FAM120A: variants seen among roughly 807,000 people sequenced by gnomAD.
The protein encoded by FAM120A is constitutive coactivator of PPAR-gamma-like protein 1.
FAM120A carries 15 observed loss-of-function variants against 109.7 expected under a neutral mutation model. The ratio of observed to expected loss-of-function variants is 0.14; its 90% CI spans 0.09 to 0.21. The LOEUF (loss-of-function observed/expected upper bound fraction) is 0.21. Ranked by LOEUF, FAM120A falls within the 10% of genes least tolerant of loss-of-function variation. FAM120A has a pLI of 1.00. For missense variants in FAM120A, 899 were observed against 1,439.3 expected, an observed-to-expected ratio of 0.62 and a Z score of 6.07; for synonymous variants, 493 against 572.8, an observed-to-expected ratio of 0.86 and a Z score of 1.99.
At position 93,543,430 on chromosome 9, in the gene FAM120A, C is replaced by T. The variant is rs754867215; in HGVS notation, c.2118C>T (p.Ala706=). The T allele has an allele frequency of 6.2e-7, 1 of 1,614,120 alleles. No homozygotes were observed. Among genetic ancestry groups the T allele is most frequent in the South Asian group, 1.1e-5 (1 of 91,074 alleles). ...ACACCCCAGCCATGCTCAACCCTGC[C>T]AACGTGCCCACTCACCTCATGGTGC... is the stretch of plus-strand genomic sequence containing the variant. The part of the protein sequence containing the change: ...RSDTPAMLNP[A]NVPTHLMVLC... Residue 706 remains alanine (A), a synonymous_variant, in exon 11 of 18, where the codon GCC becomes GCT. Transcript: ENST00000277165.
intron 10 of FAM120A, among the ~76,000 whole-genome samples, chr9:93,541,378 C>G (rs1861694275): frequency 6.6e-6 from 1 of 152,056 alleles, no homozygotes; most frequent in African/African-American, 2.4e-5. Flanking sequence ...TCCGAGTCTA[C>G]TTCTGGGAAA....
rs1264057784 is a variant in FAM120A at position 93,451,829 on chromosome 9, C to T, written c.-87C>T. ...CCCCCCTAGAGGCCGCCGCCCCCGC[C>T]CGCCAGCCCGCCCGCGCGCCACGGC... is the stretch of plus-strand genomic sequence containing the variant. On this transcript the variant is annotated 5_prime_UTR_variant, in exon 1 of 18. Coordinates refer to ENST00000277165, the MANE Select transcript of FAM120A (RefSeq NM_014612.5). 3.1e-6 allele frequency: 3 copies of T among 967,590 alleles called. No individual in the cohort carries two copies. The highest frequency in any genetic ancestry group is 3.6e-5 in the African/African-American group (2 of 56,002). 59.9% of individuals were successfully genotyped at this position (967,590 alleles called of 1,614,324 possible).
intron 7 of FAM120A, among the ~76,000 whole-genome samples, chr9:93,524,830 G>C (rs1459717402): frequency 4.6e-5 from 7 of 152,186 alleles, no homozygotes; most frequent in Non-Finnish European, 1.0e-4. Flanking sequence ...TTCCTGCACA[G>C]TGCCCGGGTC....
In FAM120A at chr9:93,460,625, A is replaced by AG. The variant is rs1857752919; in HGVS notation, c.474+8236_474+8237insG. Among the ~76,000 whole-genome samples the AG allele has an allele frequency of 2.6e-5, 4 of 152,184 alleles. No individual in the cohort carries two copies. The South Asian group carries it at 8.3e-4, about 31-fold the overall frequency. ...GCTGGGATTACAGGCATTAGCCACT[A>AG]TGCCTGGCCCTATTTTTGCTTATTT... On this transcript the variant is annotated intron_variant, in intron 1 of 17. Coordinates refer to ENST00000277165, the MANE Select transcript of FAM120A (RefSeq NM_014612.5).
intron 12 of FAM120A, among the ~76,000 whole-genome samples, chr9:93,552,881 C>T (rs1862152119): frequency 6.6e-6 from 1 of 152,164 alleles, no homozygotes; most frequent in African/African-American, 2.4e-5. Context: ...TGTTTCTCTT[C>T]TCCCATTTAT....
chr9:93,488,429 GTCT>G (rs1049158917), intron 3 of FAM120A, among the ~76,000 whole-genome samples: 11 of 151,972 alleles, frequency 7.2e-5, no homozygotes, highest in Admixed American at 3.9e-4. Context: ...GTGTTCTGTA[GTCT>G]TTCTTTTTTT....
chr9:93,505,422 A>G (rs1860002940), intron 5 of FAM120A, among the ~76,000 whole-genome samples: 1 of 152,138 alleles, frequency 6.6e-6, no homozygotes, highest in Non-Finnish European at 1.5e-5. Flanking sequence ...TACTTAATAT[A>G]TATATTGGAT....
rs1858515628 is a variant in FAM120A at position 93,475,600 on chromosome 9, A to G, written c.722-656A>G. ...ACGAACATTATTATGAAAGTAGAGTATTACCCCCAAATATAGTTTCTCAAT... is the reference window on the plus strand; with the variant it reads ...ACGAACATTATTATGAAAGTAGAGTGTTACCCCCAAATATAGTTTCTCAAT... On this transcript the variant is annotated intron_variant, in intron 2 of 17. Coordinates refer to ENST00000277165, the MANE Select transcript of FAM120A (RefSeq NM_014612.5). Among the ~76,000 whole-genome samples, 3 of 152,214 alleles carry G rather than the reference A, an allele frequency of 2.0e-5. No individual in the cohort carries two copies. In the South Asian group the frequency reaches 6.2e-4, roughly 32 times the overall value.
At chr9:93,468,142 C>G (rs1294651228) in intron 1 of FAM120A, among the ~76,000 whole-genome samples, 1 of 152,138 alleles carries the variant, frequency 6.6e-6, no homozygotes, top group Non-Finnish European at 1.5e-5. Flanking sequence ...CCTTAGCCTC[C>G]CAAAGTGCTG....
intron 17 of FAM120A, among the ~76,000 whole-genome samples, chr9:93,563,981 G>C (rs1446672563): frequency 1.3e-5 from 2 of 152,190 alleles, no homozygotes; most frequent in Non-Finnish European, 2.9e-5. Flanking sequence ...GCTCCTGAAG[G>C]GGGAATCTCC....
intron 3 of FAM120A, among the ~76,000 whole-genome samples, chr9:93,493,319 A>G (rs1257704312): frequency 6.6e-6 from 1 of 152,248 alleles, no homozygotes; most frequent in African/African-American, 2.4e-5. Context: ...CATAGATCAG[A>G]AATGGTCTCT....
At chr9:93,508,689 A>G (rs1860175731) in intron 5 of FAM120A, among the ~76,000 whole-genome samples, 2 of 152,196 alleles carry the variant, frequency 1.3e-5, no homozygotes, top group South Asian at 4.1e-4. Context: ...GCTCTTGGGC[A>G]TCACTCCATC....
At chr9:93,495,264 A>G (rs987973401) in intron 3 of FAM120A, among the ~76,000 whole-genome samples, 1 of 152,254 alleles carries the variant, frequency 6.6e-6, no homozygotes, top group Non-Finnish European at 1.5e-5. Flanking sequence ...ATACAGTACT[A>G]TACATAAAAC....
intron 12 of FAM120A, 113 bp from the exon 13 acceptor site, chr9:93,556,269 T>TG (rs1564360638): frequency 1.3e-6 from 1 of 790,288 alleles, no homozygotes. Context: ...TACTTAGTGG[T>TG]GCTGTTTTGT....
intron 7 of FAM120A, among the ~76,000 whole-genome samples, chr9:93,523,678 G>A (rs979601749): frequency 2.0e-5 from 3 of 152,318 alleles, no homozygotes; most frequent in Middle Eastern, 3.4e-3. Flanking sequence ...GGATAGCTCC[G>A]TGACCAGTTG....
chr9:93,497,521 C>T lies in FAM120A; in HGVS notation c.855C>T (p.Ala285=), dbSNP rs373252606. 5.0e-6 allele frequency: 8 copies of T among 1,613,516 alleles called. No individual in the cohort carries two copies. Among genetic ancestry groups the T allele is most frequent in the African/African-American group, 4.0e-5 (3 of 74,830 alleles). ...VLPPCDVVIK[A]VADYVRNIQD... ...CACCTTGCGACGTAGTGATCAAAGC[C>T]GTTGCTGACTATGTACGCAACATTC... is the stretch of plus-strand genomic sequence containing the variant. Residue 285 remains alanine (A), a synonymous_variant, in exon 4 of 18, where the codon GCC becomes GCT. Transcript: ENST00000277165.
chr9:93,564,214 C>T lies in FAM120A; in HGVS notation c.3046-15C>T. The T allele has an allele frequency of 6.3e-7, 1 of 1,588,770 alleles. No individual in the cohort carries two copies. Among genetic ancestry groups the T allele is most frequent in the African/African-American group, 1.3e-5 (1 of 74,278 alleles). ...AGAAACCACCTTCTCATTTGTTGTC[C>T]TTCATTTTAAACAGGGCAGACCTCC... On this transcript the variant is annotated splice_polypyrimidine_tract_variant and intron_variant, in intron 17 of 17. Coordinates refer to ENST00000277165, the MANE Select transcript of FAM120A (RefSeq NM_014612.5).
intron 1 of FAM120A, among the ~76,000 whole-genome samples, chr9:93,468,153 G>C (rs1858135927): frequency 6.6e-6 from 1 of 152,124 alleles, no homozygotes; most frequent in Non-Finnish European, 1.5e-5. Flanking sequence ...CAAAGTGCTG[G>C]GATTACAGGT....
rs1207061000 is a variant in FAM120A at position 93,561,596 on chromosome 9, T to C, written c.2948+346T>C. On this transcript the variant is annotated intron_variant, in intron 16 of 17. Coordinates refer to ENST00000277165, the MANE Select transcript of FAM120A (RefSeq NM_014612.5). ...TTTTGGTAGTGACAGGGTTTCGCCATGTTGCCCAGGTTGGTCTTGAACTCC... is the reference window on the plus strand; with the variant it reads ...TTTTGGTAGTGACAGGGTTTCGCCACGTTGCCCAGGTTGGTCTTGAACTCC... 2.6e-5 allele frequency among the ~76,000 whole-genome samples: 4 copies of C among 152,116 alleles called. No individual in the cohort carries two copies. In the East Asian group the frequency reaches 7.7e-4, roughly 29 times the overall value.
Sources: gnomAD v4.1 joint callset for allele counts (sites outside exome capture counted in the v4.1 genomes callset) on GRCh38, gnomAD v4.1.1 for gene constraint, MANE v1.5 for transcripts, NCBI Gene and HGNC (gene_info 2026-07-23, HGNC 2026-07-21) for gene names.